The following LYPLA1 variants were observed in gnomAD, a reference collection of about 807,000 sequenced individuals.
LYPLA1 encodes acyl-protein thioesterase 1.
A neutral mutation model predicts 34.0 loss-of-function variants in LYPLA1; 17 were observed. The ratio of observed to expected loss-of-function variants is 0.50; its 90% CI spans 0.34 to 0.75. The LOEUF is 0.75. Ranked by LOEUF, LYPLA1 falls within the 30% of genes least tolerant of loss-of-function variation. LYPLA1 has a pLI of 0.01. For synonymous variants in LYPLA1, 98 were observed against 100.8 expected (o/e 0.97, Z 0.17); for missense variants, 203 against 288.8 (o/e 0.70, Z 2.15).
chr8:54,082,404 C>A (rs866878774), intron 2 of LYPLA1, among the ~76,000 whole-genome samples: 1 of 152,088 alleles, frequency 6.6e-6, no homozygotes, highest in South Asian at 2.1e-4. Flanking sequence ...AAGAACTAAT[C>A]CTTTTTTTAA....
chr8:54,073,717 A>G (rs1563615280), intron 2 of LYPLA1, among the ~76,000 whole-genome samples: 1 of 152,180 alleles, frequency 6.6e-6, no homozygotes, highest in African/African-American at 2.4e-5. Flanking sequence ...ATAGTCTCTA[A>G]CATTTCCTTA....
chr8:54,100,715 T>C (rs1810063035), intron 2 of LYPLA1, 193 bp downstream of exon 2: 2 of 586,154 alleles, frequency 3.4e-6, no homozygotes, highest in East Asian at 6.3e-5. Context: ...AGTTAAAAAA[T>C]CAATAAACTC....
downstream of LYPLA1, chr8:54,043,185 G>A (rs1388021836): frequency 6.6e-6 from 1 of 151,938 alleles, no homozygotes; most frequent in Non-Finnish European, 1.5e-5. Context: ...TCGACCTCTG[G>A]AATAGCTGGG....
At chr8:54,085,830 G>A (rs1229751954) in intron 2 of LYPLA1, among the ~76,000 whole-genome samples, 8 of 140,600 alleles carry the variant, frequency 5.7e-5, no homozygotes, top group Non-Finnish European at 9.4e-5. Context: ...GCCCCCGGCC[G>A]GCCAGCCGCC....
At chr8:54,097,283 C>T (rs1390985055) in intron 2 of LYPLA1, among the ~76,000 whole-genome samples, 1 of 152,174 alleles carries the variant, frequency 6.6e-6, no homozygotes, top group Non-Finnish European at 1.5e-5. Flanking sequence ...ATATTGTTTA[C>T]ATGGTATTTA....
In LYPLA1 at chr8:54,101,262, A is replaced by C. The variant is rs375108228; in HGVS notation, c.70-323T>G. The C allele has an allele frequency of 3.4e-5, 28 of 820,814 alleles. No homozygotes were observed. The East Asian group carries it at 1.8e-3, about 54-fold the overall frequency. 50.8% of individuals were successfully genotyped at this position (820,814 alleles called of 1,614,324 possible). On this transcript the variant is annotated intron_variant, in intron 1 of 8. Transcript: ENST00000316963. ...CAGGAACATCTCACATATCCTGTAG[A>C]ATTTTTCCACTGCAAAAGCAAGCTT... is the stretch of plus-strand genomic sequence containing the variant.
At chr8:54,087,449 G>A (rs973419463) in intron 2 of LYPLA1, among the ~76,000 whole-genome samples, 4 of 152,164 alleles carry the variant, frequency 2.6e-5, no homozygotes, top group East Asian at 1.9e-4. Context: ...ACACTGAGCC[G>A]AGATCACGCC....
chr8:54,053,569 G>A lies in LYPLA1; in HGVS notation c.361-813C>T, dbSNP rs1805996925. The A allele has an allele frequency of 1.8e-5, 8 of 456,006 alleles. 1 individual carries two copies. Among genetic ancestry groups the A allele is most frequent in the South Asian group, 1.2e-4 (8 of 64,568 alleles). The allele number at this position is 456,006 out of a possible 1,614,324, so 28.2% of individuals were successfully genotyped here. A position where few individuals can be genotyped will look rare whatever the true frequency, so the allele number is the denominator to read the frequency against. On this transcript the variant is annotated intron_variant, in intron 6 of 8. Transcript: ENST00000316963. ...ATGCCCATGGGTTACTGCAACACATGAGTACACGAGAGCCTTTCACATCCC... is the reference window on the plus strand; with the variant it reads ...ATGCCCATGGGTTACTGCAACACATAAGTACACGAGAGCCTTTCACATCCC...
chr8:54,056,138 T>TAC (rs1806191842), intron 5 of LYPLA1, among the ~76,000 whole-genome samples: 2 of 152,058 alleles, frequency 1.3e-5, no homozygotes, highest in Non-Finnish European at 2.9e-5. Flanking sequence ...AACAAATCTA[T>TAC]ACACACACAC....
intron 5 of LYPLA1, among the ~76,000 whole-genome samples, chr8:54,055,771 G>C (rs932821936): frequency 6.6e-6 from 1 of 151,720 alleles, no homozygotes; most frequent in Non-Finnish European, 1.5e-5. Context: ...AGCCTCCCAA[G>C]TAGCTGGGAC....
At chr8:54,080,674 G>A (rs1403895031) in intron 2 of LYPLA1, among the ~76,000 whole-genome samples, 5 of 152,002 alleles carry the variant, frequency 3.3e-5, no homozygotes, top group Non-Finnish European at 5.9e-5. Flanking sequence ...TGCAACCTCC[G>A]CCTCCTGAGT....
chr8:54,078,384 A>G (rs2129347158), intron 2 of LYPLA1, among the ~76,000 whole-genome samples: 1 of 152,368 alleles, frequency 6.6e-6, no homozygotes, highest in Non-Finnish European at 1.5e-5. Flanking sequence ...GAACTGCATA[A>G]TAGTTGCAAA....
intron 4 of LYPLA1, among the ~76,000 whole-genome samples, chr8:54,062,960 G>A (rs1806770127): frequency 1.3e-5 from 2 of 152,178 alleles, no homozygotes; most frequent in Non-Finnish European, 2.9e-5. Context: ...ATCTTCAGAG[G>A]GCTGGAAGGG....
intron 8 of LYPLA1, among the ~76,000 whole-genome samples, chr8:54,050,104 T>C (rs1805747876): frequency 6.6e-6 from 1 of 152,228 alleles, no homozygotes; most frequent in South Asian, 2.1e-4. Context: ...GTTGATCAAT[T>C]ATATTAGTAA....
rs1805584199 is a variant in LYPLA1, at chr8:54,047,980, G to T, written c.*85C>A. 1 of 908,990 alleles carries T rather than the reference G, an allele frequency of 1.1e-6. No individual in the cohort carries two copies. The highest frequency in any genetic ancestry group is 1.7e-5 in the African/African-American group (1 of 59,956). 56.3% of individuals were successfully genotyped at this position (908,990 alleles called of 1,614,324 possible). On this transcript the variant is annotated 3_prime_UTR_variant, in exon 9 of 9. Coordinates refer to ENST00000316963, the MANE Select transcript of LYPLA1 (RefSeq NM_006330.4). Reference sequence around the variant, plus strand: ...AACATTTTAACACTGCAAAACATTAGAAATTTGAAGACTGGGCATGGGAAA... The same window carrying T: ...AACATTTTAACACTGCAAAACATTATAAATTTGAAGACTGGGCATGGGAAA...
In LYPLA1 at chr8:54,047,939, T is replaced by C. The variant is rs1044604; in HGVS notation, c.*126A>G. On this transcript the variant is annotated 3_prime_UTR_variant, in exon 9 of 9. Transcript: ENST00000316963. The stretch of plus-strand genomic sequence containing the variant: ...GGAGATATTATTTGATCTGTGTTAT[T>C]GGCATGTATTTGCAAAACATTTTAA... 0.056 allele frequency: 34,344 copies of C among 611,866 alleles called. 4,621 individuals carry two copies. Among genetic ancestry groups the C allele is most frequent in the African/African-American group, 0.4 (21,515 of 53,564 alleles). The allele number at this position is 611,866 out of a possible 1,614,324, so 37.9% of individuals were successfully genotyped here.
chr8:54,054,367 C>T (rs1454897316), intron 6 of LYPLA1: 2 of 152,554 alleles, frequency 1.3e-5, no homozygotes, highest in Non-Finnish European at 2.9e-5. Context: ...AACACCAAAT[C>T]AGTAACACCT....
At position 54,051,227 on chromosome 8, in the gene LYPLA1, A is replaced by G. The variant is rs757266185; in HGVS notation, c.463-39T>C. ...AAGAAGAAATAGTTTTATTTTTGTAAAAGTATAGGACACTATGCCAGGCAT... is the reference window on the plus strand; with the variant it reads ...AAGAAGAAATAGTTTTATTTTTGTAGAAGTATAGGACACTATGCCAGGCAT... On this transcript the variant is annotated intron_variant, in intron 7 of 8. Transcript: ENST00000316963. The G allele has an allele frequency of 1.2e-5, 18 of 1,521,722 alleles. No individual in the cohort carries two copies. The African/African-American group carries it at 2.4e-4, about 20-fold the overall frequency. 94.3% of individuals were successfully genotyped at this position (1,521,722 alleles called of 1,614,324 possible). A position where few individuals can be genotyped will look rare whatever the true frequency, so the allele number is the denominator to read the frequency against.
intron 2 of LYPLA1, among the ~76,000 whole-genome samples, chr8:54,097,053 T>C (rs760548520): frequency 6.6e-6 from 1 of 152,238 alleles, no homozygotes; most frequent in East Asian, 1.9e-4. Flanking sequence ...TAGAAATGAT[T>C]GACTCAAGCA....
Sources: allele counts gnomAD v4.1 joint callset (sites outside exome capture counted in the v4.1 genomes callset), GRCh38; gene constraint gnomAD v4.1.1; transcripts MANE v1.5; gene names NCBI Gene and HGNC (gene_info 2026-07-23, HGNC 2026-07-21).